The following PLCE1 variants were observed in gnomAD, a reference collection of about 807,000 sequenced individuals.
PLCE1 encodes the protein phospholipase C epsilon 1.
PLCE1 carries 119 observed loss-of-function variants against 242.8 expected under a neutral mutation model. The observed-to-expected ratio is 0.49, with a 90% CI of 0.42 to 0.57. The LOEUF is 0.57. Ranked by LOEUF, PLCE1 falls within the 20% of genes least tolerant of loss-of-function variation. PLCE1 has a pLI of 0.00. For synonymous variants in PLCE1, 945 were observed against 1,017.4 expected, an observed-to-expected ratio of 0.93 and a Z score of 1.35; for missense variants, 2,441 against 2,788.8, an observed-to-expected ratio of 0.88 and a Z score of 2.81.
chr10:94,216,686 A>C (rs1243493973), intron 4 of PLCE1, among the ~76,000 whole-genome samples: 2 of 152,064 alleles, frequency 1.3e-5, no homozygotes, highest in Admixed American at 6.5e-5. Flanking sequence ...ACCCTGTCCT[A>C]CTCTGCATGT....
chr10:94,322,108 A>G (rs2053830545), intron 30 of PLCE1, 49 bp downstream of exon 30: 1 of 1,539,244 alleles, frequency 6.5e-7, no homozygotes, highest in African/African-American at 1.4e-5. Flanking sequence ...AGCATAAATT[A>G]TTGGAACAAA....
chr10:94,286,145 C>G (rs2052439498), intron 22 of PLCE1, among the ~76,000 whole-genome samples: 1 of 152,124 alleles, frequency 6.6e-6, no homozygotes, highest in Non-Finnish European at 1.5e-5. Context: ...TTTCTGAGAA[C>G]AGGAAAGTGG....
At chr10:94,069,166 C>A (rs1040900669) in intron 2 of PLCE1, among the ~76,000 whole-genome samples, 3 of 152,236 alleles carry the variant, frequency 2.0e-5, no homozygotes, top group African/African-American at 7.2e-5. Context: ...TACAATACAT[C>A]TTTTTGCCCA....
chr10:94,089,321 C>A (rs1277352225), intron 2 of PLCE1: 1 of 1,613,704 alleles, frequency 6.2e-7, no homozygotes, highest in Non-Finnish European at 8.5e-7. Flanking sequence ...TCTGAGGTAC[C>A]CAATTTTACC....
At chr10:94,024,699 A>T (rs944762923) in intron 1 of PLCE1, among the ~76,000 whole-genome samples, 2 of 152,144 alleles carry the variant, frequency 1.3e-5, no homozygotes, top group African/African-American at 2.4e-5. Flanking sequence ...AAACACCTTT[A>T]ATATGCTTGT....
chr10:94,323,977 T>A (rs1034719994), intron 30 of PLCE1, among the ~76,000 whole-genome samples: 2 of 152,206 alleles, frequency 1.3e-5, no homozygotes, highest in Admixed American at 6.5e-5. Flanking sequence ...AAGATTCTAT[T>A]CCTCACTGGC....
intron 27 of PLCE1, among the ~76,000 whole-genome samples, chr10:94,311,147 G>A (rs938633279): frequency 6.6e-5 from 10 of 152,138 alleles, no homozygotes; most frequent in Admixed American, 6.5e-4. Flanking sequence ...CCAGAACCTC[G>A]ATGTGTTCAC....
intron 3 of PLCE1, among the ~76,000 whole-genome samples, chr10:94,147,475 G>A (rs2047150300): frequency 2.9e-5 from 1 of 34,432 alleles, no homozygotes; most frequent in African/African-American, 5.9e-5. Context: ...AAAGAGAGAG[G>A]AGAGAAAGGA....
intron 4 of PLCE1, among the ~76,000 whole-genome samples, chr10:94,193,177 G>T (rs17093867): frequency 6.6e-6 from 1 of 152,024 alleles, no homozygotes; most frequent in Non-Finnish European, 1.5e-5. Flanking sequence ...GAACTGGAAG[G>T]TTCTGTGAGG....
At chr10:94,244,308 G>A (rs2050604154) in intron 7 of PLCE1, among the ~76,000 whole-genome samples, 1 of 152,122 alleles carries the variant, frequency 6.6e-6, no homozygotes, top group Admixed American at 6.5e-5. Context: ...CCTTCCCAGA[G>A]ACGCGTGGAC....
At chr10:94,212,781 T>C (rs1202828166) in intron 4 of PLCE1, among the ~76,000 whole-genome samples, 1 of 152,230 alleles carries the variant, frequency 6.6e-6, no homozygotes, top group African/African-American at 2.4e-5. Flanking sequence ...CACAAAACAT[T>C]GCTGATCTGT....
At chr10:94,022,599 T>C (rs944513105) in intron 1 of PLCE1, among the ~76,000 whole-genome samples, 4 of 152,128 alleles carry the variant, frequency 2.6e-5, no homozygotes, top group Non-Finnish European at 5.9e-5. Flanking sequence ...AATTGATATA[T>C]TGATTTAAGC....
At chr10:94,043,519 G>A (rs992504139) in intron 2 of PLCE1, among the ~76,000 whole-genome samples, 1 of 152,186 alleles carries the variant, frequency 6.6e-6, no homozygotes, top group Non-Finnish European at 1.5e-5. Flanking sequence ...CACTTTAATA[G>A]TGAGTGTGAT....
Position 94,279,836 on chromosome 10 carries a change from C to T in PLCE1, c.4720C>T (p.Pro1574Ser), listed in dbSNP as rs1187459288. ...GGCTTATAATGGTGGGAATGCCAAC[C>T]CCCGACCTGCCAATAATGAGGAAGA... ...VQAYNGGNAN[P>S]RPANNEEEED... Residue 1574 changes from proline to serine, a missense_variant, in exon 20 of 33, where the codon CCC (proline) becomes TCC (serine). By Grantham distance (74) the Pro-to-Ser change is moderately conservative. Coordinates refer to ENST00000371380, the MANE Select transcript of PLCE1 (RefSeq NM_016341.4). 3 of 1,612,706 alleles carry T rather than the reference C, an allele frequency of 1.9e-6. No individual in the cohort carries two copies. The highest frequency in any genetic ancestry group is 8.5e-7 in the Non-Finnish European group (1 of 1,178,906).
chr10:94,162,200 C>G (rs190991221), intron 3 of PLCE1, among the ~76,000 whole-genome samples: 143 of 152,174 alleles, frequency 9.4e-4, no homozygotes, highest in Non-Finnish European at 1.2e-3. Context: ...TCCCTCTTTT[C>G]CTATTGATTG....
chr10:94,258,962 C>A, intron 12 of PLCE1, 40 bp downstream of exon 12: 1 of 1,614,068 alleles, frequency 6.2e-7, no homozygotes, highest in African/African-American at 1.3e-5. Flanking sequence ...TCTCAGGCCC[C>A]CCCATTTCTA....
intron 4 of PLCE1, among the ~76,000 whole-genome samples, chr10:94,173,185 C>T (rs1232994290): frequency 6.6e-6 from 1 of 152,144 alleles, no homozygotes; most frequent in Non-Finnish European, 1.5e-5. Context: ...TTTAAGCCCA[C>T]AAAGTCAGGC....
chr10:94,141,565 AAGG>A lies in PLCE1; in HGVS notation c.1492+9107_1492+9109del, dbSNP rs2046960699. Among the ~76,000 whole-genome samples the A allele has an allele frequency of 1.5e-5, 2 of 137,586 alleles. 1 individual carries two copies. Among genetic ancestry groups the A allele is most frequent in the Non-Finnish European group, 3.1e-5 (2 of 64,726 alleles). 90.3% of individuals were successfully genotyped at this position (137,586 alleles called of 152,430 possible). On this transcript the variant is annotated intron_variant, in intron 3 of 32. Coordinates refer to ENST00000371380, the MANE Select transcript of PLCE1 (RefSeq NM_016341.4). Reference sequence around the variant, plus strand: ...GGGAAGGCTAAGGGAAGGTGAAGGGAAGGCTAAGGGAAGGTGAAGGGAAGGCTA... The same window carrying A: ...GGGAAGGCTAAGGGAAGGTGAAGGGACTAAGGGAAGGTGAAGGGAAGGCTA...
intron 8 of PLCE1, among the ~76,000 whole-genome samples, chr10:94,248,824 A>G (rs2050777697): frequency 1.3e-5 from 2 of 152,202 alleles, no homozygotes; most frequent in Admixed American, 1.3e-4. Flanking sequence ...TATGTGGTTT[A>G]GTTGTTCCAT....
Sources: allele counts gnomAD v4.1 joint callset (sites outside exome capture counted in the v4.1 genomes callset), GRCh38; gene constraint gnomAD v4.1.1; transcripts MANE v1.5; gene names NCBI Gene and HGNC (gene_info 2026-07-23, HGNC 2026-07-21).